Variants in LRRTM4 observed in about 807,000 individuals in gnomAD.
LRRTM4 encodes the protein leucine rich repeat transmembrane neuronal 4, also known as leucine-rich repeat transmembrane neuronal protein 4.
A neutral mutation model predicts 47.6 loss-of-function variants in LRRTM4; 25 were observed. The observed-to-expected ratio is 0.53, with a 90% CI of 0.38 to 0.73. The LOEUF is 0.73. Ranked by LOEUF, LRRTM4 falls within the 30% of genes least tolerant of loss-of-function variation. LRRTM4 has a pLI of 0.00. For missense variants in LRRTM4, 638 were observed against 713.4 expected (o/e 0.89, Z 1.20); for synonymous variants, 311 against 269.5 (o/e 1.15, Z -1.51).
intron 3 of LRRTM4, among the ~76,000 whole-genome samples, chr2:76,885,829 T>A (rs1673059130): frequency 6.6e-6 from 1 of 152,024 alleles, no homozygotes; most frequent in Non-Finnish European, 1.5e-5. Flanking sequence ...TTATGAAAAA[T>A]GCATATAAGC....
chr2:77,494,860 TC>T (rs1048513938), intron 3 of LRRTM4, among the ~76,000 whole-genome samples: 16 of 152,038 alleles, frequency 1.1e-4, no homozygotes, highest in Non-Finnish European at 1.5e-5. Context: ...GACTTTGCAA[TC>T]CCTAGAATTT....
intron 3 of LRRTM4, among the ~76,000 whole-genome samples, chr2:77,235,356 T>G (rs2103978502): frequency 6.6e-6 from 1 of 152,254 alleles, no homozygotes; most frequent in African/African-American, 2.4e-5. Context: ...TGTTCATTTC[T>G]CATGCCCATT....
chr2:77,248,256 ATG>A (rs1240849050), intron 3 of LRRTM4, among the ~76,000 whole-genome samples: 1 of 151,802 alleles, frequency 6.6e-6, no homozygotes, highest in African/African-American at 2.4e-5. Context: ...TGTTTTTAAT[ATG>A]TGTGTATGTA....
rs1356538582 is a variant in LRRTM4, at chr2:76,777,668, A to G, written c.1552-28752T>C. On this transcript the variant is annotated intron_variant, in intron 3 of 3. Transcript: ENST00000409884. ...CTTAAGGAGATTATGGGCTGAGACA[A>G]TGGGGTTTTCTAGATATACAATCAT... 5.3e-3 allele frequency among the ~76,000 whole-genome samples: 805 copies of G among 151,120 alleles called. 29 individuals carry two copies. Among genetic ancestry groups the G allele is most frequent in the Admixed American group, 0.041 (618 of 15,156 alleles).
At chr2:76,876,652 T>A (rs1672787911) in intron 3 of LRRTM4, among the ~76,000 whole-genome samples, 2 of 152,050 alleles carry the variant, frequency 1.3e-5, no homozygotes, top group Admixed American at 1.3e-4. Flanking sequence ...TCTTTCTTGC[T>A]TCTTCCCATC....
intron 3 of LRRTM4, among the ~76,000 whole-genome samples, chr2:77,254,158 G>A (rs1477849612): frequency 6.6e-6 from 1 of 151,824 alleles, no homozygotes; most frequent in East Asian, 1.9e-4. Flanking sequence ...AGTATTGAAA[G>A]CAGAGAGAAA....
At chr2:77,511,690 G>T (rs1432394926) in intron 3 of LRRTM4, among the ~76,000 whole-genome samples, 3 of 151,564 alleles carry the variant, frequency 2.0e-5, no homozygotes, top group South Asian at 2.1e-4. Context: ...TGTGTTCAGG[G>T]TTTTCCTTTT....
intron 3 of LRRTM4, among the ~76,000 whole-genome samples, chr2:76,918,262 G>A (rs1281124309): frequency 6.6e-6 from 1 of 152,104 alleles, no homozygotes; most frequent in Non-Finnish European, 1.5e-5. Context: ...TAAAATCACA[G>A]AATAGCAACA....
chr2:77,502,887 C>T (rs1227531544), intron 3 of LRRTM4, among the ~76,000 whole-genome samples: 1 of 151,226 alleles, frequency 6.6e-6, no homozygotes, highest in Non-Finnish European at 1.5e-5. Flanking sequence ...AATCTAGGGC[C>T]AGACTTACAT....
At chr2:77,502,388 T>G (rs1327760464) in intron 3 of LRRTM4, among the ~76,000 whole-genome samples, 1 of 151,422 alleles carries the variant, frequency 6.6e-6, no homozygotes, top group Admixed American at 6.6e-5. Context: ...AAATTTATAT[T>G]AAAAAACTGG....
chr2:77,364,650 G>A (rs1008438048), intron 3 of LRRTM4, among the ~76,000 whole-genome samples: 1 of 151,918 alleles, frequency 6.6e-6, no homozygotes, highest in African/African-American at 2.4e-5. Context: ...CTCACCCTCT[G>A]TGAGTCAATA....
intron 3 of LRRTM4, among the ~76,000 whole-genome samples, chr2:76,924,438 G>C (rs1674526140): frequency 6.6e-6 from 1 of 151,940 alleles, no homozygotes; most frequent in African/African-American, 2.4e-5. Context: ...GATAGATGTA[G>C]CTAAAGCCCC....
At chr2:76,893,009 A>T (rs2103718624) in intron 3 of LRRTM4, among the ~76,000 whole-genome samples, 1 of 151,612 alleles carries the variant, frequency 6.6e-6, no homozygotes, top group African/African-American at 2.4e-5. Context: ...GTATTACTTA[A>T]TTTGAACCAC....
intron 3 of LRRTM4, among the ~76,000 whole-genome samples, chr2:77,144,973 G>T (rs1672216503): frequency 6.6e-6 from 1 of 152,074 alleles, no homozygotes; most frequent in Non-Finnish European, 1.5e-5. Flanking sequence ...CACAGTTGGA[G>T]AAATTTTTAA....
chr2:77,490,949 A>G (rs1427852467), intron 3 of LRRTM4, among the ~76,000 whole-genome samples: 1 of 151,552 alleles, frequency 6.6e-6, no homozygotes, highest in Non-Finnish European at 1.5e-5. Flanking sequence ...AGTTCACAAA[A>G]TGATTCATTT....
intron 3 of LRRTM4, among the ~76,000 whole-genome samples, chr2:77,501,974 T>G (rs935146643): frequency 1.3e-5 from 2 of 151,470 alleles, no homozygotes; most frequent in African/African-American, 4.8e-5. Context: ...GAAAATAAAT[T>G]GAAATATCAC....
intron 3 of LRRTM4, among the ~76,000 whole-genome samples, chr2:76,913,103 T>C (rs1408038751): frequency 6.6e-6 from 1 of 152,342 alleles, no homozygotes; most frequent in South Asian, 2.1e-4. Context: ...TAATTTACTC[T>C]GTTAGCATTA....
intron 3 of LRRTM4, chr2:76,986,060 A>G (rs1222502716): frequency 6.6e-6 from 1 of 152,012 alleles, no homozygotes; most frequent in African/African-American, 2.4e-5. Context: ...GTGCTTTGCC[A>G]TCTAGAGATA....
chr2:77,019,253 C>CAAAAAAAAAAAA (rs56028060), intron 3 of LRRTM4, among the ~76,000 whole-genome samples: 2 of 80,560 alleles, frequency 2.5e-5, no homozygotes, highest in Admixed American at 1.4e-4. Context: ...CACTGCTCTA[C>CAAAAAAAAAAAA]AAAAAAAAAA....
Sources: allele counts gnomAD v4.1 joint callset (sites outside exome capture counted in the v4.1 genomes callset), GRCh38; gene constraint gnomAD v4.1.1; transcripts MANE v1.5; gene names NCBI Gene and HGNC (gene_info 2026-07-23, HGNC 2026-07-21).